XKR9: variants seen among roughly 807,000 people sequenced by gnomAD.
XKR9 encodes the protein XK-related protein 9.
XKR9 carries 32 observed loss-of-function variants against 32.0 expected under a neutral mutation model. The ratio of observed to expected loss-of-function variants is 1.00; its 90% CI spans 0.76 to 1.34. The LOEUF is 1.34. Among genes scored for constraint, XKR9 ranks in the 40% most tolerant of loss-of-function variants. XKR9 has a pLI of 0.00. For synonymous variants in XKR9, 168 were observed against 143.4 expected (o/e 1.17, Z -1.22); for missense variants, 546 against 429.7 (o/e 1.27, Z -2.39).
intron 3 of XKR9, among the ~76,000 whole-genome samples, chr8:70,703,182 CT>C (rs1805599786): frequency 1.3e-5 from 2 of 150,394 alleles, no homozygotes; most frequent in African/African-American, 2.4e-5. Context: ...TTTTTTGCCC[CT>C]CTCTCTTTTC....
At chr8:70,763,170 G>T (rs1807329929) in intron 2 of XKR9, among the ~76,000 whole-genome samples, 1 of 132,220 alleles carries the variant, frequency 7.6e-6, no homozygotes, top group Non-Finnish European at 1.8e-5. Flanking sequence ...ATGGATTAAG[G>T]GGTCTTTGAT....
chr8:70,944,945 C>T, the XKR9 span, among the ~76,000 whole-genome samples: 1 of 152,046 alleles, frequency 6.6e-6, no homozygotes. Context: ...TGTATGACCA[C>T]CTAAGATGGA....
chr8:70,821,670 A>G, the XKR9 span, among the ~76,000 whole-genome samples: 6 of 152,184 alleles, frequency 3.9e-5, no homozygotes, highest in Admixed American at 2.6e-4. Flanking sequence ...TCAACATCAC[A>G]TGTAAACTGA....
At chr8:70,870,562 T>C in the XKR9 span, among the ~76,000 whole-genome samples, 1 of 152,214 alleles carries the variant, frequency 6.6e-6, no homozygotes, top group Admixed American at 6.5e-5. Context: ...CCAGCTGCTT[T>C]GTGCTTATAT....
chr8:70,733,960 G>A lies in XKR9; in HGVS notation c.658G>A (p.Val220Ile), dbSNP rs750120789. 5 of 1,612,772 alleles carry A rather than the reference G, an allele frequency of 3.1e-6. No individual in the cohort carries two copies. Among genetic ancestry groups the A allele is most frequent in the East Asian group, 4.5e-5 (2 of 44,806 alleles). Residue 220 changes from valine to isoleucine, a missense_variant, in exon 5 of 5, where the codon GTT becomes ATT. Physicochemically the swap from Val to Ile is conservative, Grantham distance 29 (BLOSUM62 3). Transcript: ENST00000408926. ...LFTLLSWMLSVVLLLFLNVKI... is the reference protein window; with the variant it reads ...LFTLLSWMLSIVLLLFLNVKI... ...TACATTATTATCGTGGATGCTGAGT[G>A]TTGTACTTCTACTATTCTTAAATGT...
At chr8:70,939,991 C>T in the XKR9 span, among the ~76,000 whole-genome samples, 1 of 151,660 alleles carries the variant, frequency 6.6e-6, no homozygotes, top group South Asian at 2.1e-4. Context: ...GTAATTTACC[C>T]AAAGCTAGTA....
the XKR9 span, among the ~76,000 whole-genome samples, chr8:70,979,756 A>G: frequency 5.9e-4 from 90 of 152,318 alleles, no homozygotes; most frequent in African/African-American, 2.1e-3. Context: ...CTCAGAGCTC[A>G]AACATTGTGC....
chr8:70,950,107 T>C, the XKR9 span, among the ~76,000 whole-genome samples: 1 of 152,204 alleles, frequency 6.6e-6, no homozygotes, highest in African/African-American at 2.4e-5. Context: ...ACTTCACTAA[T>C]TCATTCATTC....
At chr8:70,936,220 A>C in the XKR9 span, among the ~76,000 whole-genome samples, 1 of 152,110 alleles carries the variant, frequency 6.6e-6, no homozygotes, top group Non-Finnish European at 1.5e-5. Context: ...AATAGCTGAA[A>C]GCCTAATAGA....
At chr8:71,036,489 G>A in the XKR9 span, among the ~76,000 whole-genome samples, 1 of 152,098 alleles carries the variant, frequency 6.6e-6, no homozygotes, top group Non-Finnish European at 1.5e-5. Flanking sequence ...TCACTGGAAA[G>A]TCAGCATAAT....
At chr8:70,959,575 A>G in the XKR9 span, among the ~76,000 whole-genome samples, 1 of 152,252 alleles carries the variant, frequency 6.6e-6, no homozygotes, top group Non-Finnish European at 1.5e-5. Flanking sequence ...TAGGAAGATA[A>G]ATTTCTAGCA....
At chr8:70,930,111 G>A in the XKR9 span, among the ~76,000 whole-genome samples, 3 of 152,108 alleles carry the variant, frequency 2.0e-5, no homozygotes, top group African/African-American at 7.2e-5. Flanking sequence ...TTTGGGTTTT[G>A]AATTTTTTTC....
At chr8:70,784,373 T>C (rs904760745) in intron 2 of XKR9, among the ~76,000 whole-genome samples, 16 of 151,818 alleles carry the variant, frequency 1.1e-4, no homozygotes, top group African/African-American at 3.6e-4. Flanking sequence ...TCTTCTTTGA[T>C]TTCTTTCATG....
chr8:70,872,423 CA>C, the XKR9 span, among the ~76,000 whole-genome samples: 1 of 152,150 alleles, frequency 6.6e-6, no homozygotes, highest in East Asian at 1.9e-4. Context: ...TCCATTACAT[CA>C]AAGTGCAAGA....
chr8:70,930,404 A>G, the XKR9 span, among the ~76,000 whole-genome samples: 5 of 152,142 alleles, frequency 3.3e-5, no homozygotes, highest in South Asian at 6.2e-4. Context: ...CATCTCTCTC[A>G]AAGTTATTTA....
chr8:70,910,218 G>A, the XKR9 span, among the ~76,000 whole-genome samples: 7 of 152,088 alleles, frequency 4.6e-5, no homozygotes, highest in Non-Finnish European at 8.8e-5. Flanking sequence ...AGAGTAAAAG[G>A]CACCTTTCCA....
chr8:70,761,192 A>G (rs933722202), intron 2 of XKR9, among the ~76,000 whole-genome samples: 2 of 152,184 alleles, frequency 1.3e-5, no homozygotes, highest in African/African-American at 4.8e-5. Context: ...ATGTGTCTTT[A>G]TAGTAGAACA....
At chr8:70,943,077 C>T in the XKR9 span, among the ~76,000 whole-genome samples, 3 of 152,032 alleles carry the variant, frequency 2.0e-5, no homozygotes, top group Non-Finnish European at 4.4e-5. Flanking sequence ...AATTAATAAC[C>T]GAAGGAATGA....
chr8:70,811,644 C>T, the XKR9 span, among the ~76,000 whole-genome samples: 2 of 152,182 alleles, frequency 1.3e-5, no homozygotes, highest in African/African-American at 2.4e-5. Context: ...AAACTACCAT[C>T]AGAGAATACT....
Sources: allele counts gnomAD v4.1 joint callset (sites outside exome capture counted in the v4.1 genomes callset), GRCh38; gene constraint gnomAD v4.1.1; transcripts MANE v1.5; gene names NCBI Gene and HGNC (gene_info 2026-07-23, HGNC 2026-07-21).